The following TTC12 variants were observed in gnomAD, a reference collection of about 807,000 sequenced individuals.
TTC12 encodes tetratricopeptide repeat protein 12.
TTC12 carries 70 observed loss-of-function variants against 90.1 expected under a neutral mutation model. The ratio of observed to expected loss-of-function variants is 0.78; its 90% CI spans 0.64 to 0.95. The LOEUF (loss-of-function observed/expected upper bound fraction) is 0.95, where lower values mean the gene tolerates loss of function less well. Ranked by LOEUF, TTC12 falls within the 40% of genes least tolerant of loss-of-function variation. TTC12 has a pLI of 0.00. For synonymous variants in TTC12, 296 were observed against 311.5 expected (o/e 0.95, Z 0.53); for missense variants, 819 against 846.1 (o/e 0.97, Z 0.40).
chr11:113,318,112 C>A (rs376314187), intron 2 of TTC12, among the ~76,000 whole-genome samples: 7 of 152,164 alleles, frequency 4.6e-5, no homozygotes, highest in Non-Finnish European at 8.8e-5. Context: ...TGGGCTCTTG[C>A]TATGTGTTGA....
At chr11:113,371,370 G>T (rs1025491689), downstream of TTC12, 23 of 152,174 alleles carry the variant, frequency 1.5e-4, no homozygotes, top group African/African-American at 5.3e-4. Context: ...CTTAAAATTT[G>T]TATTATTTTT....
chr11:113,358,104 G>A (rs1035187300), intron 16 of TTC12, among the ~76,000 whole-genome samples: 3 of 152,192 alleles, frequency 2.0e-5, no homozygotes, highest in Admixed American at 2.0e-4. Flanking sequence ...GCTCCTAGGG[G>A]GAGAAGGATC....
intron 13 of TTC12, among the ~76,000 whole-genome samples, chr11:113,345,579 G>GT (rs1948907660): frequency 6.6e-6 from 1 of 152,182 alleles, no homozygotes; most frequent in African/African-American, 2.4e-5. Flanking sequence ...TGACAGGATG[G>GT]TTATTAAGCC....
At chr11:113,339,979 A>T (rs1235192025) in intron 10 of TTC12, among the ~76,000 whole-genome samples, 1 of 151,998 alleles carries the variant, frequency 6.6e-6, no homozygotes, top group African/African-American at 2.4e-5. Context: ...CCTTCCCTCC[A>T]CTGTGGAGGA....
intron 2 of TTC12, among the ~76,000 whole-genome samples, chr11:113,320,747 T>C (rs1256210249): frequency 6.6e-6 from 1 of 152,256 alleles, no homozygotes; most frequent in East Asian, 1.9e-4. Flanking sequence ...CTGTAACACG[T>C]GCCCAACTGG....
chr11:113,352,113 G>T lies in TTC12; in HGVS notation c.1352G>T (p.Cys451Phe), dbSNP rs782155659. The change falls in exon 16 of 22, where the codon TGC (cysteine) becomes TTC (phenylalanine). Residue 451 changes from cysteine (C) to phenylalanine (F), a missense_variant. Transcript: ENST00000529221. ...AGCAGCTCCTCGGCTCTGTGCCAGT[G>T]CATTGCCATCATGGGAAACCTCAGT... Reference protein sequence around the residue: ...KVSSSSALCQCIAIMGNLSAE... With the variant: ...KVSSSSALCQFIAIMGNLSAE... The T allele has an allele frequency of 6.2e-7, 1 of 1,614,248 alleles. No individual in the cohort carries two copies. The highest frequency in any genetic ancestry group is 1.7e-5 in the Admixed American group (1 of 60,028).
intron 8 of TTC12, among the ~76,000 whole-genome samples, chr11:113,335,921 C>G (rs1948345327): frequency 6.6e-6 from 1 of 151,830 alleles, no homozygotes; most frequent in East Asian, 1.9e-4. Context: ...GTTTACAGTC[C>G]TCTTGGGTAT....
At chr11:113,340,568 C>A in intron 10 of TTC12, 96 bp from the exon 11 acceptor site, 1 of 859,536 alleles carries the variant, frequency 1.2e-6, no homozygotes. Context: ...CGTGGCATTC[C>A]ATATTAGGTT....
Position 113,363,881 on chromosome 11 carries a change from G to C in TTC12, c.1770G>C (p.Thr590=), listed in dbSNP as rs34940277. 6.2e-7 allele frequency: 1 copy of C among 1,613,906 alleles called. No individual in the cohort carries two copies. Among genetic ancestry groups the C allele is most frequent in the Non-Finnish European group, 8.5e-7 (1 of 1,179,762 alleles). ...CTATAAAGATACTAGCTATCTGCACGAATAGTTATCATGAAGCTCGGGAAG... is the reference window on the plus strand; with the variant it reads ...CTATAAAGATACTAGCTATCTGCACCAATAGTTATCATGAAGCTCGGGAAG... ...RYAIKILAIC[T]NSYHEAREEV... is the part of the protein sequence containing the mutation. Residue 590 remains threonine, a synonymous_variant, in exon 20 of 22, where the codon ACG becomes ACC. Transcript: ENST00000529221.
chr11:113,338,141 G>A (rs541318916), intron 8 of TTC12, among the ~76,000 whole-genome samples: 3 of 151,986 alleles, frequency 2.0e-5, no homozygotes, highest in African/African-American at 7.2e-5. Flanking sequence ...TTATACTCTG[G>A]GCAGTTCTTA....
At chr11:113,320,968 A>T (rs782236639) in intron 2 of TTC12, among the ~76,000 whole-genome samples, 2 of 152,182 alleles carry the variant, frequency 1.3e-5, no homozygotes, top group Non-Finnish European at 1.5e-5. Flanking sequence ...GCTTGAGCCC[A>T]GGGGTTCAAA....
chr11:113,333,945 A>G (rs1555143276), intron 7 of TTC12, among the ~76,000 whole-genome samples: 1 of 152,168 alleles, frequency 6.6e-6, no homozygotes, highest in African/African-American at 2.4e-5. Context: ...ATACTCTGTT[A>G]CCCAGAGCCA....
chr11:113,363,735 G>A (rs1300606857), intron 19 of TTC12, 93 bp from the exon 20 acceptor site: 8 of 806,946 alleles, frequency 9.9e-6, no homozygotes, highest in South Asian at 3.4e-5. Flanking sequence ...AGTTTAGGAA[G>A]CCACTAGCGC....
At chr11:113,330,058 G>A in intron 7 of TTC12, 79 bp downstream of exon 7, 1 of 1,128,796 alleles carries the variant, frequency 8.9e-7, no homozygotes, top group South Asian at 1.2e-5. Flanking sequence ...ATCAAGATAG[G>A]AAAGGGTATA....
At chr11:113,323,593 T>C (rs1947488248) in intron 3 of TTC12, 142 bp downstream of exon 3, 1 of 563,530 alleles carries the variant, frequency 1.8e-6, no homozygotes, top group Non-Finnish European at 2.8e-6. Context: ...AAGTATAAAA[T>C]TTGATTTTTT....
intron 1 of TTC12, 66 bp downstream of exon 1, chr11:113,314,684 A>C (rs1946806020): frequency 6.5e-6 from 1 of 152,842 alleles, no homozygotes; most frequent in Non-Finnish European, 1.5e-5. Flanking sequence ...TTCAGAGCCG[A>C]GCAGAGGACG....
chr11:113,322,991 A>G (rs1555139162), intron 2 of TTC12, among the ~76,000 whole-genome samples: 3 of 152,014 alleles, frequency 2.0e-5, no homozygotes, highest in Non-Finnish European at 1.5e-5. Context: ...TAGCATCAGC[A>G]TAATATCTAA....
At chr11:113,326,893 G>T (rs563282177) in intron 6 of TTC12, among the ~76,000 whole-genome samples, 1 of 152,184 alleles carries the variant, frequency 6.6e-6, no homozygotes, top group Non-Finnish European at 1.5e-5. Context: ...GTTACATAAC[G>T]TTAAAAGCAC....
chr11:113,345,361 A>C (rs1555147771), intron 13 of TTC12, among the ~76,000 whole-genome samples: 1 of 152,160 alleles, frequency 6.6e-6, no homozygotes, highest in Non-Finnish European at 1.5e-5. Flanking sequence ...CTCATGGGGC[A>C]GGAAGAACTG....
Sources: gnomAD v4.1 joint callset for allele counts (sites outside exome capture counted in the v4.1 genomes callset) on GRCh38, gnomAD v4.1.1 for gene constraint, MANE v1.5 for transcripts, NCBI Gene and HGNC (gene_info 2026-07-23, HGNC 2026-07-21) for gene names.